SCMH1: variants seen among roughly 807,000 people sequenced by gnomAD.
The protein encoded by SCMH1 is Scm polycomb group protein homolog 1, also known as polycomb protein SCMH1.
SCMH1 carries 37 observed loss-of-function variants against 70.8 expected under a neutral mutation model. That is an observed-to-expected ratio of 0.52 (90% CI 0.40 to 0.69). The LOEUF (loss-of-function observed/expected upper bound fraction) is 0.69. Among genes scored for constraint, SCMH1 ranks in the 30% least tolerant of loss-of-function variants. The probability of loss-of-function intolerance (pLI) is 0.00; values close to 1 mark genes in which losing one functional copy is unlikely to be tolerated. For synonymous variants in SCMH1, 292 were observed against 307.4 expected, an observed-to-expected ratio of 0.95 and a Z score of 0.52; for missense variants, 607 against 827.3, an observed-to-expected ratio of 0.73 and a Z score of 3.27.
Position 41,179,714 on chromosome 1 carries a change from G to A in SCMH1, c.13+6407C>T, listed in dbSNP as rs76410555. 2.3e-3 allele frequency among the ~76,000 whole-genome samples: 344 copies of A among 152,134 alleles called. 4 individuals carry two copies. In the Middle Eastern group the frequency reaches 0.024, roughly 11 times the overall value. On this transcript the variant is annotated intron_variant, in intron 2 of 14. Transcript: ENST00000337495. ...CAATAACAGGCTCTGAAATTGAGGC[G>A]ATAATTAATAGCTTACCAACGAAAA... is the stretch of plus-strand genomic sequence containing the variant.
intron 8 of SCMH1, among the ~76,000 whole-genome samples, chr1:41,094,738 A>C (rs1558821742): frequency 6.6e-6 from 1 of 151,990 alleles, no homozygotes; most frequent in Admixed American, 6.6e-5. Context: ...AAAATACAAA[A>C]ATTAGCCGGA....
chr1:41,105,880 T>G (rs1167359127), intron 8 of SCMH1, among the ~76,000 whole-genome samples: 2 of 151,458 alleles, frequency 1.3e-5, no homozygotes, highest in East Asian at 1.9e-4. Context: ...TTTGATAGTT[T>G]TTTTTTTTTT....
chr1:41,145,113 C>CTTTTGTTGTTTATGTT (rs1553152633), intron 5 of SCMH1, among the ~76,000 whole-genome samples: 3 of 151,888 alleles, frequency 2.0e-5, no homozygotes, highest in Non-Finnish European at 4.4e-5. Context: ...TCTATTTTTT[C>CTTTTGTTGTTTATGTT]TTTTGTTGTT....
intron 6 of SCMH1, among the ~76,000 whole-genome samples, chr1:41,132,147 AATTT>A (rs1383370793): frequency 1.3e-5 from 2 of 152,164 alleles, no homozygotes; most frequent in African/African-American, 4.8e-5. Context: ...TGGGTGAACT[AATTT>A]ACATACCCAC....
chr1:41,103,284 G>A (rs1322773663), intron 8 of SCMH1, among the ~76,000 whole-genome samples: 3 of 151,828 alleles, frequency 2.0e-5, no homozygotes, highest in African/African-American at 7.3e-5. Flanking sequence ...GGCATGAGCC[G>A]CCACTCCTGG....
rs899938577 is a variant in SCMH1, at chr1:41,200,304, C to T, written c.-117-14054G>A. Among the ~76,000 whole-genome samples, 7 of 151,730 alleles carry T rather than the reference C, an allele frequency of 4.6e-5. No homozygotes were observed. The East Asian group carries it at 5.8e-4, about 13-fold the overall frequency. On this transcript the variant is annotated intron_variant, in intron 1 of 14. Transcript: ENST00000337495. ...CATCCTGGTTAACATGGTGAAACCC[C>T]GTCTCTACTAAAAATACAAAAAAAC... is the stretch of plus-strand genomic sequence containing the variant.
chr1:41,066,222 G>T (rs1189462183), intron 10 of SCMH1, among the ~76,000 whole-genome samples: 3 of 152,204 alleles, frequency 2.0e-5, no homozygotes, highest in African/African-American at 7.2e-5. Flanking sequence ...TCCTCCCCTG[G>T]AATAGTTCCC....
chr1:41,146,419 T>A (rs1261157418), intron 5 of SCMH1, among the ~76,000 whole-genome samples: 1 of 152,128 alleles, frequency 6.6e-6, no homozygotes, highest in Non-Finnish European at 1.5e-5. Context: ...GTTTATAACG[T>A]TGACAGTGGT....
chr1:41,161,124 A>C (rs1645988779), intron 3 of SCMH1, among the ~76,000 whole-genome samples: 1 of 152,256 alleles, frequency 6.6e-6, no homozygotes, highest in South Asian at 2.1e-4. Context: ...AGAGAGGCTA[A>C]GCAACCGTGC....
intron 8 of SCMH1, among the ~76,000 whole-genome samples, chr1:41,100,566 T>TTTTC (rs1666319993): frequency 2.7e-5 from 4 of 149,378 alleles, no homozygotes; most frequent in Non-Finnish European, 5.9e-5. Flanking sequence ...CTTTTCTTTT[T>TTTTC]CTTTTTTTTT....
upstream of SCMH1, chr1:41,242,152 GGGCGGGCGGCTCGGGAGAGC>G (rs1358823792): frequency 8.7e-5 from 13 of 149,012 alleles, no homozygotes; most frequent in East Asian, 2.2e-3. This position sits in a 1 kb window ranked among gnomAD's most constrained non-coding sequence, Gnocchi z 5.2. Context: ...GGAAGGGGGC[GGGCGGGCGGCTCGGGAGAGC>G]GGCGGGCGGG....
intron 8 of SCMH1, among the ~76,000 whole-genome samples, chr1:41,106,637 C>T (rs1668003307): frequency 6.6e-6 from 1 of 151,844 alleles, no homozygotes; most frequent in African/African-American, 2.4e-5. Context: ...CTCTGCTGTG[C>T]CTTATCTCTT....
At chr1:41,053,000 C>T (rs1648801329) in intron 10 of SCMH1, among the ~76,000 whole-genome samples, 1 of 150,502 alleles carries the variant, frequency 6.6e-6, no homozygotes, top group Admixed American at 6.6e-5. Flanking sequence ...TCACTGCAAC[C>T]TCCACCTCCC....
intron 2 of SCMH1, among the ~76,000 whole-genome samples, chr1:41,168,065 A>G (rs1047967632): frequency 2.0e-5 from 3 of 151,652 alleles, no homozygotes; most frequent in African/African-American, 7.3e-5. Flanking sequence ...AACTCTCTCT[A>G]ACTTAGAATT....
chr1:41,038,931 C>T (rs1645700030), intron 12 of SCMH1, among the ~76,000 whole-genome samples: 2 of 152,180 alleles, frequency 1.3e-5, no homozygotes, highest in African/African-American at 4.8e-5. Context: ...GCACCAGTTT[C>T]TTCATGTGTA....
intron 8 of SCMH1, among the ~76,000 whole-genome samples, chr1:41,101,366 T>C (rs192359471): frequency 6.0e-4 from 92 of 152,288 alleles, no homozygotes; most frequent in African/African-American, 2.0e-3. Flanking sequence ...TTGAATTTGA[T>C]TTCCTCTAGC....
intron 8 of SCMH1, chr1:41,098,566 G>A (rs895198191): frequency 2.0e-5 from 3 of 152,076 alleles, no homozygotes; most frequent in Non-Finnish European, 4.4e-5. Context: ...TTGCTAAAAA[G>A]GTCATTTTGA....
intron 1 of SCMH1, among the ~76,000 whole-genome samples, chr1:41,192,455 A>G (rs1380815676): frequency 6.6e-6 from 1 of 151,486 alleles, no homozygotes; most frequent in Non-Finnish European, 1.5e-5. Context: ...AGACAATAAT[A>G]GCAATTATCT....
intron 2 of SCMH1, among the ~76,000 whole-genome samples, chr1:41,182,134 G>C (rs1027873228): frequency 4.6e-5 from 7 of 152,142 alleles, no homozygotes; most frequent in Non-Finnish European, 7.3e-5. Flanking sequence ...TCACTCATAG[G>C]TGGGAATTGA....
Sources: gnomAD v4.1 joint callset for allele counts (sites outside exome capture counted in the v4.1 genomes callset) on GRCh38, gnomAD v4.1.1 for gene constraint, Gnocchi (gnomAD v3.1) non-coding constraint, MANE v1.5 for transcripts, NCBI Gene and HGNC (gene_info 2026-07-23, HGNC 2026-07-21) for gene names.